The following NXPE3 variants were observed in gnomAD, a reference collection of about 807,000 sequenced individuals.
NXPE3 encodes the protein neurexophilin and PC-esterase domain family member 3.
In NXPE3, 26 loss-of-function variants were observed where a neutral mutation model predicts 46.1. The observed-to-expected ratio is 0.56, with a 90% CI of 0.41 to 0.78. The LOEUF is 0.78. NXPE3 is among the 30% of genes least tolerant of loss of function. The pLI is 0.00. For synonymous variants in NXPE3, 272 were observed against 257.9 expected (o/e 1.05, Z -0.52); for missense variants, 620 against 686.0 (o/e 0.90, Z 1.07).
chr3:101,790,330 C>A (rs1940432348), intron 4 of NXPE3, among the ~76,000 whole-genome samples: 1 of 152,168 alleles, frequency 6.6e-6, no homozygotes, highest in Admixed American at 6.5e-5. Flanking sequence ...ATATTGAAGT[C>A]TCTCACTATA....
chr3:101,789,302 G>A (rs185121152), intron 4 of NXPE3, among the ~76,000 whole-genome samples: 6 of 152,272 alleles, frequency 3.9e-5, no homozygotes, highest in Admixed American at 6.5e-5. Context: ...CCAGCACTTT[G>A]GGAGGCTGAG....
At chr3:101,812,636 C>T (rs1327031362) in intron 6 of NXPE3, among the ~76,000 whole-genome samples, 1 of 151,760 alleles carries the variant, frequency 6.6e-6, no homozygotes, top group Non-Finnish European at 1.5e-5. Context: ...CACGGTGAAA[C>T]CCCATCTCTA....
At chr3:101,781,526 G>T (rs1009399748) in intron 1 of NXPE3, among the ~76,000 whole-genome samples, 2 of 152,166 alleles carry the variant, frequency 1.3e-5, no homozygotes, top group African/African-American at 4.8e-5. Flanking sequence ...ATGAGTCTTG[G>T]ATATGGAAGT....
intron 4 of NXPE3, among the ~76,000 whole-genome samples, chr3:101,794,873 A>G (rs778628472): frequency 3.3e-5 from 5 of 152,210 alleles, no homozygotes; most frequent in Non-Finnish European, 5.9e-5. Context: ...AATTATTTGA[A>G]CGAACTAACT....
intron 4 of NXPE3, 86 bp from the exon 5 acceptor site, chr3:101,801,149 G>A: frequency 7.2e-7 from 1 of 1,385,900 alleles, no homozygotes. Flanking sequence ...AAAACTCACA[G>A]AAGTGTGGGG....
Position 101,816,907 on chromosome 3 carries a change from C to G in NXPE3, c.1035C>G (p.Asp345Glu). ...KFKMRQFNDP[D>E]NITECLQRKV... The stretch of plus-strand genomic sequence containing the variant: ...AGATGCGTCAGTTTAATGACCCTGA[C>G]AACATTACAGAGTGCTTACAAAGAA... Residue 345 changes from aspartate to glutamate, a missense_variant, in exon 7 of 8, where the codon GAC becomes GAG. Asp to Glu is a conservative substitution (Grantham distance 45, BLOSUM62 2). Around this residue, in one of 3 missense-constraint regions of NXPE3, gnomAD observed 511 missense variants for 528.6 expected, o/e 0.97. Coordinates refer to ENST00000273347, the MANE Select transcript of NXPE3 (RefSeq NM_145037.4). 3.1e-6 allele frequency: 5 copies of G among 1,614,086 alleles called. No homozygotes were observed. Among genetic ancestry groups the G allele is most frequent in the Admixed American group, 3.3e-5 (2 of 60,018 alleles).
At chr3:101,821,082 C>G (rs1456169964) in intron 7 of NXPE3, among the ~76,000 whole-genome samples, 4 of 152,110 alleles carry the variant, frequency 2.6e-5, no homozygotes, top group African/African-American at 9.7e-5. Context: ...AGCAACATTT[C>G]TTGGCCTAAT....
rs1942310828 is a variant in NXPE3 at position 101,822,768 on chromosome 3, A to G, written c.*814A>G. On this transcript the variant is annotated 3_prime_UTR_variant, in exon 8 of 8. Transcript: ENST00000273347. ...TGTTCTGAAATTTGAGGGTTTAGGA[A>G]TTGACTTTTGTGTAAAGAATGCTAC... is the stretch of plus-strand genomic sequence containing the variant. The G allele has an allele frequency of 6.6e-6, 1 of 151,838 alleles. No individual in the cohort carries two copies. Among genetic ancestry groups the G allele is most frequent in the Non-Finnish European group, 1.5e-5 (1 of 67,978 alleles). 9.4% of individuals were successfully genotyped at this position (151,838 alleles called of 1,614,324 possible).
chr3:101,797,846 C>G (rs1444317482), intron 4 of NXPE3, among the ~76,000 whole-genome samples: 2 of 39,018 alleles, frequency 5.1e-5, no homozygotes, highest in South Asian at 7.9e-4. Flanking sequence ...TGGGTTGGTT[C>G]CAAGTCTTTG....
At chr3:101,792,887 T>C (rs1362678615) in intron 4 of NXPE3, among the ~76,000 whole-genome samples, 1 of 152,230 alleles carries the variant, frequency 6.6e-6, no homozygotes, top group East Asian at 1.9e-4. Context: ...TGATTCTTCT[T>C]ATTAATGAGC....
Position 101,785,499 on chromosome 3 carries a change from T to C in NXPE3, c.-98T>C. The C allele has an allele frequency of 9.6e-7, 1 of 1,045,348 alleles. No individual in the cohort carries two copies. The highest frequency in any genetic ancestry group is 1.3e-5 in the South Asian group (1 of 77,304). 64.8% of individuals were successfully genotyped at this position (1,045,348 alleles called of 1,614,324 possible). On this transcript the variant is annotated 5_prime_UTR_variant, in exon 4 of 8. Coordinates refer to ENST00000273347, the MANE Select transcript of NXPE3 (RefSeq NM_145037.4). ...CTAGCAGGATAGAAGCAAATGAAAC[T>C]GAAAGCTCATCTGCAGCTCAGAAAA...
At chr3:101,806,706 CTAA>C (rs1941434350) in intron 5 of NXPE3, among the ~76,000 whole-genome samples, 1 of 152,142 alleles carries the variant, frequency 6.6e-6, no homozygotes, top group Non-Finnish European at 1.5e-5. Context: ...AGCCTGAAAA[CTAA>C]GTAATGACAA....
At position 101,822,878 on chromosome 3, in the gene NXPE3, C is replaced by T. The variant is rs1433440790; in HGVS notation, c.*924C>T. ...TGTTGTTGTTATTTTGAACTACTTA[C>T]CAAAATTAGAAGTTAAAATCTAATT... is the stretch of plus-strand genomic sequence containing the variant. On this transcript the variant is annotated 3_prime_UTR_variant, in exon 8 of 8. Transcript: ENST00000273347. 5.3e-5 allele frequency: 8 copies of T among 150,532 alleles called. No individual in the cohort carries two copies. The highest frequency in any genetic ancestry group is 1.2e-4 in the African/African-American group (5 of 40,900). The allele number at this position is 150,532 out of a possible 1,614,324, so 9.3% of individuals were successfully genotyped here.
At chr3:101,779,637 C>G (rs1199631282) in intron 1 of NXPE3, 1 of 152,746 alleles carries the variant, frequency 6.5e-6, no homozygotes, top group East Asian at 1.9e-4. Context: ...GGGCCGGGAG[C>G]GAGCATCTCC....
At position 101,816,948 on chromosome 3, in the gene NXPE3, T is replaced by G. The variant is rs1316830865; in HGVS notation, c.1076T>G (p.Phe359Cys). Residue 359 changes from phenylalanine to cysteine, a missense_variant, in exon 7 of 8, where the codon TTT (phenylalanine) becomes TGT (cysteine). Phe to Cys is a radical substitution (Grantham distance 205). Coordinates refer to ENST00000273347, the MANE Select transcript of NXPE3 (RefSeq NM_145037.4). ...ECLQRKVVHL[F>C]GDSTIRQWFE... ...TTACAAAGAAAAGTGGTGCATTTAT[T>G]TGGTGACTCAACAATCAGGCAATGG... The G allele has an allele frequency of 6.2e-7, 1 of 1,614,036 alleles. No homozygotes were observed. Among genetic ancestry groups the G allele is most frequent in the Non-Finnish European group, 8.5e-7 (1 of 1,180,020 alleles).
chr3:101,810,888 G>C (rs1941676574), intron 6 of NXPE3, among the ~76,000 whole-genome samples: 1 of 152,034 alleles, frequency 6.6e-6, no homozygotes, highest in South Asian at 2.1e-4. Flanking sequence ...GAGTGCAGTG[G>C]TGCGATCCTG....
rs899649197 is a variant in NXPE3, at chr3:101,825,719, A to T, written c.*3765A>T. The stretch of plus-strand genomic sequence containing the variant: ...TTCTGCTACTGCAGTTTTCATTATT[A>T]GATAAGTTGGTCATTATAGTTGGAC... On this transcript the variant is annotated 3_prime_UTR_variant, in exon 8 of 8. Transcript: ENST00000273347. The T allele has an allele frequency of 6.6e-6, 1 of 152,238 alleles. No homozygotes were observed. The highest frequency in any genetic ancestry group is 1.5e-5 in the Non-Finnish European group (1 of 68,030). 9.4% of individuals were successfully genotyped at this position (152,238 alleles called of 1,614,324 possible). A position where few individuals can be genotyped will look rare whatever the true frequency, so the allele number is the denominator to read the frequency against.
intron 4 of NXPE3, 125 bp downstream of exon 4, chr3:101,785,814 C>T (rs753859774): frequency 3.1e-5 from 24 of 763,296 alleles, no homozygotes; most frequent in African/African-American, 8.5e-5. Context: ...TTCATTTATT[C>T]GGTAAGTATT....
rs1397313976 is a variant in NXPE3, at chr3:101,825,706, A to G, written c.*3752A>G. ...ATCTGCTTAATAGTTCTGCTACTGC[A>G]GTTTTCATTATTAGATAAGTTGGTC... On this transcript the variant is annotated 3_prime_UTR_variant, in exon 8 of 8. Coordinates refer to ENST00000273347, the MANE Select transcript of NXPE3 (RefSeq NM_145037.4). 6.6e-6 allele frequency: 1 copy of G among 152,204 alleles called. No individual in the cohort carries two copies. The highest frequency in any genetic ancestry group is 2.4e-5 in the African/African-American group (1 of 41,460). The allele number at this position is 152,204 out of a possible 1,614,324, so 9.4% of individuals were successfully genotyped here.
Sources: allele counts gnomAD v4.1 joint callset (sites outside exome capture counted in the v4.1 genomes callset), GRCh38; gene constraint gnomAD v4.1.1; regional missense constraint gnomAD v4.1.1; transcripts MANE v1.5; gene names NCBI Gene and HGNC (gene_info 2026-07-23, HGNC 2026-07-21).